The following OXR1 variants were observed in gnomAD, a reference collection of about 807,000 sequenced individuals.
The protein encoded by OXR1 is oxidation resistance protein 1.
In OXR1, 41 loss-of-function variants were observed where a neutral mutation model predicts 104.6. The ratio of observed to expected loss-of-function variants is 0.39; its 90% confidence interval spans 0.31 to 0.51. The LOEUF (loss-of-function observed/expected upper bound fraction) is 0.51, where lower values mean the gene tolerates loss of function less well. Among genes scored for constraint, OXR1 ranks in the 20% least tolerant of loss-of-function variants. OXR1 has a pLI of 0.77. For missense variants in OXR1, 955 were observed against 1,031.9 expected (o/e 0.93, Z 1.02); for synonymous variants, 348 against 348.4 (o/e 1.00, Z 0.01).
At chr8:106,691,540 T>C (rs1446981865) in intron 6 of OXR1, among the ~76,000 whole-genome samples, 2 of 151,398 alleles carry the variant, frequency 1.3e-5, no homozygotes, top group Non-Finnish European at 3.0e-5. Context: ...GACTTTCAGG[T>C]AACCTCAGAG....
intron 3 of OXR1, among the ~76,000 whole-genome samples, chr8:106,599,548 T>C (rs144706745): frequency 1.9e-3 from 286 of 152,356 alleles, no homozygotes; most frequent in African/African-American, 4.8e-3. Context: ...AAGGTTAGGT[T>C]AATATTTTGA....
intron 11 of OXR1, among the ~76,000 whole-genome samples, chr8:106,722,005 G>A (rs374662348): frequency 4.6e-5 from 7 of 152,140 alleles, no homozygotes; most frequent in Non-Finnish European, 7.4e-5. Flanking sequence ...TTCTACAACC[G>A]TGGTTATTGC....
chr8:106,679,718 A>G lies in OXR1; in HGVS notation c.303+426A>G, dbSNP rs181430419. ...TAACCTTCCACATTAAATCATTTGT[A>G]TTTATTTATAGCTAACTCCCTTTAG... On this transcript the variant is annotated intron_variant, in intron 4 of 16. Coordinates refer to ENST00000517566, the MANE Select transcript of OXR1 (RefSeq NM_001198533.2). 2.6e-3 allele frequency among the ~76,000 whole-genome samples: 400 copies of G among 151,150 alleles called. 1 individual carries two copies. Among genetic ancestry groups the G allele is most frequent in the Non-Finnish European group, 3.4e-3 (232 of 67,650 alleles).
rs1028909631 is a variant in OXR1 at position 106,535,630 on chromosome 8, A to G, written c.220+16491A>G. Among the ~76,000 whole-genome samples, 4 of 152,152 alleles carry G rather than the reference A, an allele frequency of 2.6e-5. No individual in the cohort carries two copies. In the East Asian group the frequency reaches 7.7e-4, roughly 29 times the overall value. On this transcript the variant is annotated intron_variant, in intron 3 of 16. Transcript: ENST00000517566. Reference sequence around the variant, plus strand: ...GCTCAGAAAGCCTGACCCTGTAGCAACATGAAATTTACATCATTTCCTGAT... The same window carrying G: ...GCTCAGAAAGCCTGACCCTGTAGCAGCATGAAATTTACATCATTTCCTGAT...
chr8:106,634,917 A>T (rs1004468539), intron 3 of OXR1, among the ~76,000 whole-genome samples: 6 of 151,658 alleles, frequency 4.0e-5, no homozygotes, highest in African/African-American at 9.7e-5. Context: ...TACCTGGGAG[A>T]TGTTAAAATG....
Position 106,706,803 on chromosome 8 carries a change from G to A in OXR1, c.1282G>A (p.Asp428Asn). 6.2e-7 allele frequency: 1 copy of A among 1,612,632 alleles called. No homozygotes were observed. Among genetic ancestry groups the A allele is most frequent in the Non-Finnish European group, 8.5e-7 (1 of 1,179,576 alleles). The change falls in exon 9 of 17, where the codon GAT (aspartate) becomes AAT (asparagine). Residue 428 changes from aspartate to asparagine, a missense_variant. By Grantham distance (23) the Asp-to-Asn change is conservative. Around this residue, in one of 2 missense-constraint regions of OXR1, gnomAD observed 849 missense variants for 852.9 expected, o/e 1.00. Transcript: ENST00000517566. ...EMAIKEDQIA[D>N]NFQGISGPKE... ...GGCCATTAAGGAAGATCAGATTGCA[G>A]ATAACTTTCAAGGAATATCAGGTCC...
chr8:106,332,275 T>G (rs1814749747), intron 1 of OXR1, among the ~76,000 whole-genome samples: 1 of 152,164 alleles, frequency 6.6e-6, no homozygotes, highest in South Asian at 2.1e-4. Flanking sequence ...CTTTGCCATG[T>G]TTCTTCTTCC....
intron 2 of OXR1, among the ~76,000 whole-genome samples, chr8:106,393,887 T>C (rs1817676957): frequency 6.6e-6 from 1 of 152,086 alleles, no homozygotes; most frequent in Admixed American, 6.6e-5. Flanking sequence ...TATATATTTA[T>C]ACTATCAGAA....
intron 2 of OXR1, among the ~76,000 whole-genome samples, chr8:106,463,314 A>G (rs574963651): frequency 2.6e-5 from 4 of 152,222 alleles, no homozygotes; most frequent in East Asian, 3.9e-4. Context: ...TCCATTTTCA[A>G]TGTAATGCAT....
chr8:106,645,146 A>G (rs1039803867), intron 3 of OXR1, among the ~76,000 whole-genome samples: 7 of 152,214 alleles, frequency 4.6e-5, no homozygotes, highest in African/African-American at 1.2e-4. Context: ...ATGTGCTTAC[A>G]TATCATGCAG....
At chr8:106,733,415 A>G (rs1465710936) in intron 11 of OXR1, among the ~76,000 whole-genome samples, 2 of 152,192 alleles carry the variant, frequency 1.3e-5, no homozygotes, top group Non-Finnish European at 2.9e-5. Context: ...GAAAGATTAC[A>G]AAATTGGCTT....
At chr8:106,673,997 GCAGAAGTGAAAT>G (rs1827314040) in intron 3 of OXR1, among the ~76,000 whole-genome samples, 1 of 152,238 alleles carries the variant, frequency 6.6e-6, no homozygotes, top group South Asian at 2.1e-4. Flanking sequence ...CTAGGGCAGT[GCAGAAGTGAAAT>G]GTGGGGTCAG....
intron 1 of OXR1, among the ~76,000 whole-genome samples, chr8:106,289,280 A>G (rs546047498): frequency 4.6e-5 from 7 of 152,324 alleles, no homozygotes; most frequent in Admixed American, 4.6e-4. Flanking sequence ...ACTCTTCCAA[A>G]ATACTGCTAG....
chr8:106,525,730 A>T (rs1221715889), intron 3 of OXR1, among the ~76,000 whole-genome samples: 11 of 152,092 alleles, frequency 7.2e-5, no homozygotes, highest in African/African-American at 2.4e-4. Context: ...CTTCAGTTGA[A>T]ATCTCTCCCT....
chr8:106,674,793 G>A (rs976286325), intron 3 of OXR1, among the ~76,000 whole-genome samples: 1 of 152,082 alleles, frequency 6.6e-6, no homozygotes, highest in East Asian at 1.9e-4. Flanking sequence ...TAAGTGTTTG[G>A]TAGTTCCTCC....
At chr8:106,556,496 C>T (rs780269442) in intron 3 of OXR1, among the ~76,000 whole-genome samples, 1 of 152,042 alleles carries the variant, frequency 6.6e-6, no homozygotes, top group Non-Finnish European at 1.5e-5. Flanking sequence ...TGAATCCTGC[C>T]TCTGCCTTTA....
chr8:106,602,301 T>A (rs1820033082), intron 3 of OXR1, among the ~76,000 whole-genome samples: 1 of 152,160 alleles, frequency 6.6e-6, no homozygotes, highest in Admixed American at 6.6e-5. Context: ...GTAACCAAAC[T>A]GACTGGAGAG....
chr8:106,440,359 C>A (rs995339622), intron 2 of OXR1, among the ~76,000 whole-genome samples: 1 of 152,074 alleles, frequency 6.6e-6, no homozygotes, highest in East Asian at 1.9e-4. Context: ...ACAGGACAAT[C>A]GGCTCAATCT....
At chr8:106,504,493 AG>A (rs1563566920) in intron 2 of OXR1, among the ~76,000 whole-genome samples, 1 of 152,204 alleles carries the variant, frequency 6.6e-6, no homozygotes, top group East Asian at 1.9e-4. Context: ...AATGAGAATA[AG>A]ACAATCCCTG....
Sources: allele counts gnomAD v4.1 joint callset (sites outside exome capture counted in the v4.1 genomes callset), GRCh38; gene constraint gnomAD v4.1.1; regional missense constraint gnomAD v4.1.1; transcripts MANE v1.5; gene names NCBI Gene and HGNC (gene_info 2026-07-23, HGNC 2026-07-21).